CADM2: variants seen among roughly 807,000 people sequenced by gnomAD.
CADM2 encodes cell adhesion molecule 2.
Under a neutral mutation model 49.8 loss-of-function variants are expected in CADM2, and 12 were observed. The ratio of observed to expected loss-of-function variants is 0.24; its 90% CI spans 0.15 to 0.39. CADM2 has a LOEUF of 0.39. Ranked by LOEUF, CADM2 falls within the 10% of genes least tolerant of loss-of-function variation. The probability of loss-of-function intolerance (pLI) is 1.00; values close to 1 mark genes in which losing one functional copy is unlikely to be tolerated. For missense variants in CADM2, 378 were observed against 492.3 expected, an observed-to-expected ratio of 0.77 and a Z score of 2.20; for synonymous variants, 214 against 175.4, an observed-to-expected ratio of 1.22 and a Z score of -1.74.
intron 2 of CADM2, among the ~76,000 whole-genome samples, chr3:85,784,403 T>C (rs553900814): frequency 1.2e-5 from 1 of 83,376 alleles, no homozygotes; most frequent in South Asian, 3.8e-4. Context: ...GACAATGCAG[T>C]TGAAATTTTT....
intron 8 of CADM2, among the ~76,000 whole-genome samples, chr3:86,038,561 C>T (rs947852018): frequency 6.6e-6 from 1 of 152,184 alleles, no homozygotes; most frequent in African/African-American, 2.4e-5. Flanking sequence ...CACCTACTTC[C>T]CCTCACAGGC....
intron 1 of CADM2, among the ~76,000 whole-genome samples, chr3:85,289,026 T>C (rs1179212488): frequency 2.6e-5 from 4 of 152,192 alleles, no homozygotes; most frequent in Admixed American, 1.3e-4. Flanking sequence ...CCAGGCATTT[T>C]GCTAAGCACC....
chr3:85,855,921 C>T (rs970093655), intron 3 of CADM2, among the ~76,000 whole-genome samples: 5 of 151,868 alleles, frequency 3.3e-5, no homozygotes, highest in African/African-American at 7.3e-5. Context: ...CCACCATGCC[C>T]GGCCAAAAAA....
At chr3:85,156,106 C>T (rs888421519) in intron 1 of CADM2, among the ~76,000 whole-genome samples, 1 of 151,852 alleles carries the variant, frequency 6.6e-6, no homozygotes, top group Non-Finnish European at 1.5e-5. Context: ...TAGCAGAAGG[C>T]AAGAAATAAC....
rs548096356 is a variant in CADM2, at chr3:86,072,059, C to T, written c.*5276C>T. ...ATCCTCATATAATGCACAGTATTGC[C>T]ACAAATGCCCACTTCATTTTGTCTG... On this transcript the variant is annotated 3_prime_UTR_variant, in exon 10 of 10. Transcript: ENST00000383699. 2 of 151,680 alleles carry T rather than the reference C, an allele frequency of 1.3e-5. No individual in the cohort carries two copies. The highest frequency in any genetic ancestry group is 2.9e-5 in the Non-Finnish European group (2 of 67,830). The allele number at this position is 151,680 out of a possible 1,614,324, so 9.4% of individuals were successfully genotyped here. A position where few individuals can be genotyped will look rare whatever the true frequency, so the allele number is the denominator to read the frequency against.
At chr3:85,771,672 C>T (rs60557773) in intron 2 of CADM2, among the ~76,000 whole-genome samples, 7,739 of 152,116 alleles carry the variant, frequency 0.051, 560 homozygotes, top group African/African-American at 0.16. Flanking sequence ...AAAAGGGTCT[C>T]TCTTTGCAGG....
intron 3 of CADM2, among the ~76,000 whole-genome samples, chr3:85,880,214 A>G (rs1290586328): frequency 1.3e-5 from 2 of 152,138 alleles, no homozygotes; most frequent in African/African-American, 4.8e-5. Context: ...ACATTTTACT[A>G]TTTCAAGTAT....
intron 1 of CADM2, among the ~76,000 whole-genome samples, chr3:85,010,735 C>T (rs2107251618): frequency 6.6e-6 from 1 of 150,824 alleles, no homozygotes; most frequent in East Asian, 2.0e-4. Context: ...TTTTTTTTCT[C>T]CTAAATGTAC....
intron 1 of CADM2, among the ~76,000 whole-genome samples, chr3:85,028,951 A>G (rs76371245): frequency 2.9e-4 from 4 of 13,760 alleles, no homozygotes; most frequent in Admixed American, 2.2e-3. Context: ...TTTTACCGAA[A>G]TAAAACAGTA....
At chr3:85,212,858 C>A (rs938969800) in intron 1 of CADM2, among the ~76,000 whole-genome samples, 6 of 123,528 alleles carry the variant, frequency 4.9e-5, no homozygotes, top group African/African-American at 2.1e-4. Context: ...TTCTTTCTTT[C>A]TTTCTTTCTT....
At chr3:85,653,726 C>T (rs1013216276) in intron 1 of CADM2, among the ~76,000 whole-genome samples, 2 of 151,938 alleles carry the variant, frequency 1.3e-5, no homozygotes, top group Non-Finnish European at 2.9e-5. Context: ...AACTTATGGG[C>T]GTATACGGCA....
At chr3:86,049,189 A>G (rs565083204) in intron 8 of CADM2, among the ~76,000 whole-genome samples, 1 of 152,244 alleles carries the variant, frequency 6.6e-6, no homozygotes, top group East Asian at 1.9e-4. Context: ...CTGTTGCGTT[A>G]GAATGTGACT....
chr3:85,185,873 T>C (rs902804919), intron 1 of CADM2, among the ~76,000 whole-genome samples: 2 of 152,160 alleles, frequency 1.3e-5, no homozygotes, highest in African/African-American at 4.8e-5. Flanking sequence ...GAATACTTAA[T>C]AAATATTTGT....
chr3:85,398,622 A>G (rs566789039), intron 1 of CADM2, among the ~76,000 whole-genome samples: 19 of 152,306 alleles, frequency 1.2e-4, no homozygotes, highest in Non-Finnish European at 2.2e-4. Context: ...AGTCCCACCA[A>G]CAGTGTAAAA....
rs543199361 is a variant in CADM2 at position 86,067,447 on chromosome 3, A to T, written c.*664A>T. On this transcript the variant is annotated 3_prime_UTR_variant, in exon 10 of 10. Coordinates refer to ENST00000383699, the MANE Select transcript of CADM2 (RefSeq NM_001167675.2). ...GTACGAATTGCAATCATGACATGGTATTTTCTATAATTATAGAGATCTTAC... is the reference window on the plus strand; with the variant it reads ...GTACGAATTGCAATCATGACATGGTTTTTTCTATAATTATAGAGATCTTAC... 1 of 152,660 alleles carries T rather than the reference A, an allele frequency of 6.6e-6. No individual in the cohort carries two copies. Among genetic ancestry groups the T allele is most frequent in the South Asian group, 2.1e-4 (1 of 4,832 alleles). The allele number at this position is 152,660 out of a possible 1,614,324, so 9.5% of individuals were successfully genotyped here. A position where few individuals can be genotyped will look rare whatever the true frequency, so the allele number is the denominator to read the frequency against.
In CADM2 at chr3:85,307,954, AAC is replaced by A. The variant is rs537573510; in HGVS notation, c.61+348290_61+348291del. Among the ~76,000 whole-genome samples, 22 of 151,412 alleles carry A rather than the reference AAC, an allele frequency of 1.5e-4. 1 individual carries two copies. In the East Asian group the frequency reaches 3.1e-3, roughly 21 times the overall value. On this transcript the variant is annotated intron_variant, in intron 1 of 9. Transcript: ENST00000383699. Reference sequence around the variant, plus strand: ...CCCAGAAAAATTAGAAAAAAAAAAAAACACAATAATTTTTAAAAAAGGTTTAA... The same window carrying A: ...CCCAGAAAAATTAGAAAAAAAAAAAAACAATAATTTTTAAAAAAGGTTTAA...
Position 85,959,150 on chromosome 3 carries a change from A to ATCTCTCTCTCTC in CADM2, c.792-2307_792-2296dup, listed in dbSNP as rs71128104. On this transcript the variant is annotated intron_variant, in intron 7 of 9. Coordinates refer to ENST00000383699, the MANE Select transcript of CADM2 (RefSeq NM_001167675.2). The stretch of plus-strand genomic sequence containing the variant: ...TATAGCTGTATATCTTTATCTATCT[A>ATCTCTCTCTCTC]TCTCTCTCTCTCTCTCTCTCTCTGT... Among the ~76,000 whole-genome samples, 668 of 145,400 alleles carry ATCTCTCTCTCTC rather than the reference A, an allele frequency of 4.6e-3. 7 individuals are homozygous for ATCTCTCTCTCTC. The highest frequency in any genetic ancestry group is 0.017 in the South Asian group (79 of 4,534).
intron 3 of CADM2, among the ~76,000 whole-genome samples, chr3:85,810,997 T>C (rs1002967471): frequency 6.6e-6 from 1 of 152,178 alleles, no homozygotes; most frequent in Non-Finnish European, 1.5e-5. Flanking sequence ...TTTTAAATAA[T>C]GATAATATAT....
chr3:85,948,468 A>G (rs1723006906), intron 7 of CADM2, among the ~76,000 whole-genome samples: 1 of 151,440 alleles, frequency 6.6e-6, no homozygotes, highest in South Asian at 2.1e-4. Context: ...ATAAATATAC[A>G]AAGGAAATAA....
Sources: gnomAD v4.1 joint callset for allele counts (sites outside exome capture counted in the v4.1 genomes callset) on GRCh38, gnomAD v4.1.1 for gene constraint, MANE v1.5 for transcripts, NCBI Gene and HGNC (gene_info 2026-07-23, HGNC 2026-07-21) for gene names.